ESR2: variants seen among roughly 807,000 people sequenced by gnomAD.
ESR2 encodes estrogen receptor 2.
A neutral mutation model predicts 49.6 loss-of-function variants in ESR2; 36 were observed. The observed-to-expected ratio is 0.73, with a 90% CI of 0.56 to 0.96. The LOEUF is 0.96. Among genes scored for constraint, ESR2 ranks in the 40% least tolerant of loss-of-function variants. The probability of loss-of-function intolerance (pLI) is 0.00; values close to 1 mark genes in which losing one functional copy is unlikely to be tolerated. For missense variants in ESR2, 714 were observed against 693.0 expected (o/e 1.03, Z -0.34); for synonymous variants, 320 against 266.1 (o/e 1.20, Z -1.97).
At chr14:64,241,145 CAAAAAAAAAA>C (rs56347632) in intron 7 of ESR2, among the ~76,000 whole-genome samples, 9 of 95,432 alleles carry the variant, frequency 9.4e-5, no homozygotes, top group African/African-American at 1.6e-4. Context: ...GACTCCGTCT[CAAAAAAAAAA>C]AAAAAAAAAA....
chr14:64,296,018 T>C (rs956589496), upstream of ESR2, among the ~76,000 whole-genome samples: 4 of 121,506 alleles, frequency 3.3e-5, no homozygotes, highest in Non-Finnish European at 4.7e-5. Flanking sequence ...CATTCCAGCC[T>C]GGGCGACAGA....
rs892275580 is a variant in ESR2 at position 64,290,961 on chromosome 14, C to T, written c.-91+3072G>A. Among the ~76,000 whole-genome samples, 10 of 152,280 alleles carry T rather than the reference C, an allele frequency of 6.6e-5. 1 individual carries two copies. Among genetic ancestry groups the T allele is most frequent in the Middle Eastern group, 3.4e-3 (1 of 294 alleles). ...TGAATAGGGTAGGAGGACCAAGCCTCGAAGGCAGGGGTGGGAGAGAGTTCA... is the reference window on the plus strand; with the variant it reads ...TGAATAGGGTAGGAGGACCAAGCCTTGAAGGCAGGGGTGGGAGAGAGTTCA... On this transcript the variant is annotated intron_variant, in intron 1 of 8. Coordinates refer to ENST00000341099, the MANE Select transcript of ESR2 (RefSeq NM_001437.3).
At chr14:64,237,015 C>G (rs553661870) in intron 7 of ESR2, among the ~76,000 whole-genome samples, 2 of 151,736 alleles carry the variant, frequency 1.3e-5, no homozygotes, top group East Asian at 3.9e-4. Flanking sequence ...GCCTGGAGTG[C>G]AGTGGTACAA....
In ESR2 at chr14:64,282,677, T is replaced by A. The variant is rs2076698943; in HGVS notation, c.309A>T (p.Gln103His). Reference protein sequence around the residue: ...RQLSHLYAEPQKSPWCEARSL... With the variant: ...RQLSHLYAEPHKSPWCEARSL... ...ATCTTGCTTCACACCAGGGACTCTT[T>A]TGAGGTTCCGCATACAGATGTGATA... Residue 103 changes from glutamine (Q) to histidine (H), a missense_variant, in exon 2 of 9, where the codon CAA becomes CAT. Transcript: ENST00000341099. The A allele has an allele frequency of 1.2e-6, 2 of 1,613,092 alleles. No homozygotes were observed. The highest frequency in any genetic ancestry group is 1.7e-5 in the Admixed American group (1 of 59,990).
At chr14:64,296,264 C>T (rs903694125), upstream of ESR2, among the ~76,000 whole-genome samples, 5 of 152,162 alleles carry the variant, frequency 3.3e-5, no homozygotes, top group Admixed American at 2.0e-4. Flanking sequence ...CACACCAGCT[C>T]AGTGAGATAT....
chr14:64,318,755 T>C (rs961626358), intron 1 of ESR2, among the ~76,000 whole-genome samples: 16 of 150,158 alleles, frequency 1.1e-4, no homozygotes, highest in Admixed American at 8.0e-4. Flanking sequence ...AAATTTTAAA[T>C]TAGCTAGCCA....
chr14:64,319,154 T>C (rs944088167), intron 1 of ESR2, among the ~76,000 whole-genome samples: 3 of 152,120 alleles, frequency 2.0e-5, no homozygotes, highest in Non-Finnish European at 4.4e-5. Flanking sequence ...ACAAGGCAAT[T>C]CAATCAAGAA....
intron 8 of ESR2, chr14:64,233,612 G>A (rs907528030): frequency 1.4e-4 from 50 of 366,174 alleles, no homozygotes; most frequent in African/African-American, 7.8e-4. Flanking sequence ...TAAAGTCACT[G>A]TGAACACTGA....
chr14:64,307,456 G>A (rs976332976), intron 1 of ESR2, among the ~76,000 whole-genome samples: 1 of 151,454 alleles, frequency 6.6e-6, no homozygotes, highest in Admixed American at 6.6e-5. Context: ...CTCGTGATCC[G>A]CCCACCTCAG....
rs770491054 is a variant in ESR2 at position 64,233,199 on chromosome 14, C to G, written c.1531G>C (p.Glu511Gln). The G allele has an allele frequency of 1.9e-6, 3 of 1,614,180 alleles. No homozygotes were observed. The highest frequency in any genetic ancestry group is 3.3e-5 in the Admixed American group (2 of 60,028). Residue 511 changes from glutamate (E) to glutamine (Q), a missense_variant, in exon 9 of 9, where the codon GAG becomes CAG. Coordinates refer to ENST00000341099, the MANE Select transcript of ESR2 (RefSeq NM_001437.3). ...TTACTGTCCTCTGCCGGGCTGCACT[C>G]GGACCCCGTGATGGAGGACTTGCAC... The part of the protein sequence containing the change: ...RGCKSSITGS[E>Q]CSPAEDSKSK...
intron 6 of ESR2, among the ~76,000 whole-genome samples, chr14:64,253,650 CA>C (rs1461888629): frequency 6.6e-6 from 1 of 151,246 alleles, no homozygotes; most frequent in Admixed American, 6.6e-5. Flanking sequence ...GCTCGCAGCA[CA>C]CACCTGGGTA....
chr14:64,313,856 G>T (rs1257900435), intron 1 of ESR2, among the ~76,000 whole-genome samples: 18 of 133,942 alleles, frequency 1.3e-4, no homozygotes, highest in African/African-American at 4.2e-4. Flanking sequence ...TCCAGCCAGG[G>T]CAACACAGGG....
At chr14:64,301,290 T>A (rs2077017966) in intron 1 of ESR2, 1 of 152,212 alleles carries the variant, frequency 6.6e-6, no homozygotes, top group South Asian at 2.1e-4. Context: ...TTTTGTGGAC[T>A]TTCAGAAGGT....
chr14:64,251,274 A>C (rs557752147), intron 6 of ESR2, among the ~76,000 whole-genome samples: 5 of 151,200 alleles, frequency 3.3e-5, no homozygotes, highest in Non-Finnish European at 7.4e-5. Flanking sequence ...ATTTGATACT[A>C]AGGAAAGCTA....
chr14:64,327,312 G>A (rs2077401585), intron 1 of ESR2, among the ~76,000 whole-genome samples: 1 of 152,174 alleles, frequency 6.6e-6, no homozygotes, highest in African/African-American at 2.4e-5. Context: ...TGTAATCCCA[G>A]CACTTTGGGA....
chr14:64,234,071 C>T (rs1293381804), intron 8 of ESR2: 1 of 152,142 alleles, frequency 6.6e-6, no homozygotes, highest in Non-Finnish European at 1.5e-5. Flanking sequence ...ACCTCAAAAA[C>T]ACCACAAATA....
intron 2 of ESR2, among the ~76,000 whole-genome samples, 171 bp downstream of exon 2, chr14:64,282,453 G>A (rs1313329346): frequency 6.6e-6 from 1 of 152,180 alleles, no homozygotes; most frequent in Non-Finnish European, 1.5e-5. Flanking sequence ...TTTTTAATGA[G>A]AACTAAAATA....
Position 64,260,320 on chromosome 14 carries a change from A to T in ESR2, c.952+129T>A. On this transcript the variant is annotated intron_variant, in intron 5 of 8. Coordinates refer to ENST00000341099, the MANE Select transcript of ESR2 (RefSeq NM_001437.3). ...GAACATATTGCACTTAAAAGTTACA[A>T]ATCCAGCTGAGGACCTGTTAAATAT... The T allele has an allele frequency of 4.2e-6, 4 of 949,330 alleles. No homozygotes were observed. In the Admixed American group the frequency reaches 5.1e-5, roughly 12 times the overall value. 58.8% of individuals were successfully genotyped at this position (949,330 alleles called of 1,614,324 possible).
intron 1 of ESR2, among the ~76,000 whole-genome samples, chr14:64,323,711 A>C (rs1596494442): frequency 6.6e-6 from 1 of 152,056 alleles, no homozygotes; most frequent in East Asian, 1.9e-4. Context: ...GTTTGTTTTG[A>C]GATGGAGTCT....
Sources: gnomAD v4.1 joint callset for allele counts (sites outside exome capture counted in the v4.1 genomes callset) on GRCh38, gnomAD v4.1.1 for gene constraint, MANE v1.5 for transcripts, NCBI Gene and HGNC (gene_info 2026-07-23, HGNC 2026-07-21) for gene names.